TNFRSF19: variants seen among roughly 807,000 people sequenced by gnomAD.
TNFRSF19 encodes the protein tumor necrosis factor receptor superfamily member 19.
TNFRSF19 carries 27 observed loss-of-function variants against 46.4 expected under a neutral mutation model. The observed-to-expected ratio is 0.58, with a 90% CI of 0.43 to 0.80. The LOEUF (loss-of-function observed/expected upper bound fraction) is 0.80, where lower values mean the gene tolerates loss of function less well. Among genes scored for constraint, TNFRSF19 ranks in the 30% least tolerant of loss-of-function variants. TNFRSF19 has a pLI of 0.00. For synonymous variants in TNFRSF19, 204 were observed against 205.0 expected (o/e 1.00, Z 0.04); for missense variants, 511 against 530.8 (o/e 0.96, Z 0.37).
At chr13:23,656,675 A>T (rs1476304933) in intron 5 of TNFRSF19, among the ~76,000 whole-genome samples, 1 of 152,168 alleles carries the variant, frequency 6.6e-6, no homozygotes, top group Non-Finnish European at 1.5e-5. Context: ...TATTTGAGCA[A>T]AAATTTAAGC....
chr13:23,644,408 G>T (rs999330194), intron 5 of TNFRSF19, among the ~76,000 whole-genome samples: 1 of 152,170 alleles, frequency 6.6e-6, no homozygotes, highest in African/African-American at 2.4e-5. Flanking sequence ...TTTATAAGGG[G>T]CTTTCCCCCC....
At chr13:23,648,935 C>T (rs558792204) in intron 5 of TNFRSF19, among the ~76,000 whole-genome samples, 53 of 152,206 alleles carry the variant, frequency 3.5e-4, no homozygotes, top group African/African-American at 1.2e-3. Context: ...CCCACTTGGT[C>T]GTGGTGTATA....
chr13:23,623,174 T>C (rs913970016), intron 4 of TNFRSF19, among the ~76,000 whole-genome samples: 2 of 152,242 alleles, frequency 1.3e-5, no homozygotes, highest in South Asian at 2.1e-4. Context: ...TTGACTACTC[T>C]TAAGTACCTC....
intron 2 of TNFRSF19, among the ~76,000 whole-genome samples, chr13:23,590,756 T>C (rs537799056): frequency 6.6e-6 from 1 of 152,374 alleles, no homozygotes; most frequent in South Asian, 2.1e-4. Context: ...TATGTAACAA[T>C]TGTTGAAATT....
At chr13:23,654,519 C>A (rs1883851557) in intron 5 of TNFRSF19, among the ~76,000 whole-genome samples, 1 of 152,198 alleles carries the variant, frequency 6.6e-6, no homozygotes, top group African/African-American at 2.4e-5. Flanking sequence ...CCTGCGGAAC[C>A]AGCTGCCATG....
At chr13:23,663,822 G>A (rs1186094612) in intron 7 of TNFRSF19, among the ~76,000 whole-genome samples, 1 of 151,988 alleles carries the variant, frequency 6.6e-6, no homozygotes. Flanking sequence ...AGTTCCTGAT[G>A]GCTATTTTTA....
chr13:23,623,146 CTTTCTG>C (rs1340503390), intron 4 of TNFRSF19, among the ~76,000 whole-genome samples: 1 of 152,116 alleles, frequency 6.6e-6, no homozygotes, highest in African/African-American at 2.4e-5. Flanking sequence ...AACCACCTTT[CTTTCTG>C]TTTCTGTGAA....
intron 5 of TNFRSF19, among the ~76,000 whole-genome samples, chr13:23,644,433 C>T (rs1179411857): frequency 6.6e-6 from 1 of 152,182 alleles, no homozygotes; most frequent in Non-Finnish European, 1.5e-5. Flanking sequence ...CTTGGCACCT[C>T]TCCTTGCTGC....
intron 5 of TNFRSF19, among the ~76,000 whole-genome samples, chr13:23,633,800 G>T (rs1004755631): frequency 3.3e-5 from 5 of 152,208 alleles, no homozygotes; most frequent in African/African-American, 1.2e-4. Context: ...AGTGAGCCGA[G>T]ATCGTACCGT....
At chr13:23,591,503 G>C (rs1381828785) in intron 2 of TNFRSF19, among the ~76,000 whole-genome samples, 1 of 151,824 alleles carries the variant, frequency 6.6e-6, no homozygotes, top group African/African-American at 2.4e-5. Flanking sequence ...TAAAGACAAA[G>C]TGGGATTCAG....
At chr13:23,669,560 G>T in intron 9 of TNFRSF19, 1 of 985,158 alleles carries the variant, frequency 1.0e-6, no homozygotes, top group Non-Finnish European at 1.2e-6. Context: ...TCTCTCCTTG[G>T]CTGTTGTTTT....
At chr13:23,573,785 A>C (rs1444278153) in intron 1 of TNFRSF19, among the ~76,000 whole-genome samples, 1 of 152,178 alleles carries the variant, frequency 6.6e-6, no homozygotes, top group Non-Finnish European at 1.5e-5. Flanking sequence ...TCTTGGGGCC[A>C]GGAGCGGTGG....
At chr13:23,618,738 T>G (rs1001977088) in intron 4 of TNFRSF19, among the ~76,000 whole-genome samples, 3 of 152,184 alleles carry the variant, frequency 2.0e-5, no homozygotes, top group Admixed American at 6.5e-5. Flanking sequence ...GTTTACGTAA[T>G]AGCCAAAAAA....
chr13:23,660,478 G>T lies in TNFRSF19; in HGVS notation c.724G>T (p.Val242Leu), dbSNP rs1884292905. The change falls in exon 7 of 10, where the codon GTG becomes TTG. Residue 242 changes from valine (V) to leucine (L), a missense_variant. Physicochemically the swap from Val to Leu is conservative, Grantham distance 32. This residue lies in a region of TNFRSF19 where 376 missense variants were observed against 372.7 expected (regional missense o/e 1.01). Transcript: ENST00000248484. Reference sequence around the variant, plus strand: ...CTGCTGCCAGTGCCGCCGTGACTCAGTGCAGACCTGCGGTAAGTTCAGCAG... The same window carrying T: ...CTGCTGCCAGTGCCGCCGTGACTCATTGCAGACCTGCGGTAAGTTCAGCAG... The part of the protein sequence containing the change: ...RACCQCRRDS[V>L]QTCGPVRLLP... 1.2e-6 allele frequency: 2 copies of T among 1,613,104 alleles called. No individual in the cohort carries two copies. The highest frequency in any genetic ancestry group is 1.7e-6 in the Non-Finnish European group (2 of 1,179,958).
At chr13:23,590,346 T>C (rs1879179127) in intron 2 of TNFRSF19, 94 bp downstream of exon 2, 3 of 779,354 alleles carry the variant, frequency 3.8e-6, no homozygotes, top group Non-Finnish European at 5.9e-6. Context: ...TATTTTTTAT[T>C]TTTTTTGAGA....
rs146925312 is a variant in TNFRSF19, at chr13:23,663,096, G to C, written c.736+2606G>C. The stretch of plus-strand genomic sequence containing the variant: ...GAGAGAGCATCCTTGCCTTGTGCCA[G>C]TTTTCAAGGGGAATGCTTCCAGCTT... On this transcript the variant is annotated intron_variant, in intron 7 of 9. Transcript: ENST00000248484. 7.5e-3 allele frequency among the ~76,000 whole-genome samples: 1,147 copies of C among 152,302 alleles called. 20 individuals are homozygous for C. Among genetic ancestry groups the C allele is most frequent in the African/African-American group, 0.026 (1,093 of 41,556 alleles).
intron 3 of TNFRSF19, among the ~76,000 whole-genome samples, chr13:23,610,032 A>G (rs745385788): frequency 1.3e-5 from 2 of 152,370 alleles, no homozygotes; most frequent in Non-Finnish European, 2.9e-5. Context: ...CCAGCAACAT[A>G]AATCTAATTT....
chr13:23,636,770 G>T, intron 5 of TNFRSF19, among the ~76,000 whole-genome samples: 1 of 152,136 alleles, frequency 6.6e-6, no homozygotes, highest in East Asian at 1.9e-4. Context: ...ACTTCCCTCG[G>T]ACTCCTGTTG....
At chr13:23,616,095 T>A in intron 4 of TNFRSF19, 50 bp downstream of exon 4, 1 of 1,532,320 alleles carries the variant, frequency 6.5e-7, no homozygotes, top group South Asian at 1.3e-5. Flanking sequence ...AAGTAACTTT[T>A]AAAAAGGCAA....
Sources: allele counts gnomAD v4.1 joint callset (sites outside exome capture counted in the v4.1 genomes callset), GRCh38; gene constraint gnomAD v4.1.1; regional missense constraint gnomAD v4.1.1; transcripts MANE v1.5; gene names NCBI Gene and HGNC (gene_info 2026-07-23, HGNC 2026-07-21).